The following RGS6 variants were observed in gnomAD, a reference collection of about 807,000 sequenced individuals.
RGS6 encodes the protein regulator of G protein signaling 6.
Under a neutral mutation model 78.5 loss-of-function variants are expected in RGS6, and 30 were observed. The observed-to-expected ratio is 0.38, with a 90% CI of 0.29 to 0.52. The LOEUF (loss-of-function observed/expected upper bound fraction) is 0.52, where lower values mean the gene tolerates loss of function less well. RGS6 is among the 20% of genes least tolerant of loss of function. The pLI, the probability that RGS6 is intolerant of heterozygous loss-of-function variation, is 0.85. For synonymous variants in RGS6, 206 were observed against 206.0 expected (o/e 1.00, Z 0.00); for missense variants, 495 against 609.7 (o/e 0.81, Z 1.98).
chr14:72,361,465 T>G (rs2081443580), intron 3 of RGS6, among the ~76,000 whole-genome samples: 1 of 151,912 alleles, frequency 6.6e-6, no homozygotes, highest in Non-Finnish European at 1.5e-5. Flanking sequence ...GAGGCAAGAG[T>G]AAGAGAGCTG....
chr14:71,920,801 T>C, the RGS6 span, among the ~76,000 whole-genome samples: 2 of 152,210 alleles, frequency 1.3e-5, no homozygotes, highest in Admixed American at 1.3e-4. Context: ...TTCTGGGCAA[T>C]GATTTTTTAG....
chr14:72,103,011 C>T (rs1597600854), intron 2 of RGS6, among the ~76,000 whole-genome samples: 1 of 152,282 alleles, frequency 6.6e-6, no homozygotes, highest in East Asian at 1.9e-4. Flanking sequence ...ATTTGGCTTG[C>T]TGATCAGAGT....
chr14:72,030,980 A>ATT (rs10581212), intron 2 of RGS6, among the ~76,000 whole-genome samples: 55 of 141,658 alleles, frequency 3.9e-4, no homozygotes, highest in South Asian at 1.8e-3. Context: ...TTTAGCAACA[A>ATT]TTTTTTTTTT....
intron 2 of RGS6, among the ~76,000 whole-genome samples, chr14:72,117,434 C>A (rs528440320): frequency 3.3e-5 from 5 of 152,096 alleles, no homozygotes; most frequent in East Asian, 1.9e-4. Context: ...TTGGCTCCCC[C>A]CCACCCTTCA....
the RGS6 span, among the ~76,000 whole-genome samples, chr14:72,621,218 T>G: frequency 6.6e-6 from 1 of 152,302 alleles, no homozygotes; most frequent in Admixed American, 6.5e-5. Flanking sequence ...TTTTCCACCC[T>G]TTATCCCCTT....
the RGS6 span, chr14:72,629,589 A>G: frequency 1.3e-6 from 2 of 1,513,160 alleles, no homozygotes; most frequent in South Asian, 1.2e-5. Context: ...AGCTCTGTGG[A>G]TTTCTCCCTC....
At chr14:72,344,923 A>G (rs908765061) in intron 2 of RGS6, among the ~76,000 whole-genome samples, 1 of 152,166 alleles carries the variant, frequency 6.6e-6, no homozygotes, top group Non-Finnish European at 1.5e-5. Flanking sequence ...TGTTTAACGC[A>G]AGGTCTCGTG....
chr14:72,385,881 C>T (rs774515581), intron 3 of RGS6, among the ~76,000 whole-genome samples: 5 of 152,164 alleles, frequency 3.3e-5, no homozygotes, highest in Non-Finnish European at 4.4e-5. Context: ...ATCTGGTACA[C>T]TTTTAGTCAT....
chr14:72,590,109 A>T, the RGS6 span, among the ~76,000 whole-genome samples: 1 of 152,186 alleles, frequency 6.6e-6, no homozygotes, highest in Non-Finnish European at 1.5e-5. Context: ...CACCCACTAG[A>T]ATGTCTAAAA....
At chr14:72,477,808 AG>A (rs2096276138) in intron 11 of RGS6, among the ~76,000 whole-genome samples, 4 of 146,998 alleles carry the variant, frequency 2.7e-5, no homozygotes, top group Admixed American at 1.4e-4. Context: ...AAAAAAAAAA[AG>A]AAAAAAAGAA....
chr14:72,458,807 A>G (rs2095701192), intron 5 of RGS6, among the ~76,000 whole-genome samples: 1 of 152,170 alleles, frequency 6.6e-6, no homozygotes, highest in African/African-American at 2.4e-5. Context: ...TGGGGCTTAT[A>G]TCAGACCTCT....
the RGS6 span, among the ~76,000 whole-genome samples, chr14:72,572,974 G>T: frequency 6.6e-6 from 1 of 152,052 alleles, no homozygotes; most frequent in Admixed American, 6.5e-5. Flanking sequence ...TACAGATCAG[G>T]AAGAATCCAA....
chr14:71,937,349 A>G lies in RGS6; in HGVS notation c.-21+4408A>G, dbSNP rs535555482. Among the ~76,000 whole-genome samples, 4 of 152,288 alleles carry G rather than the reference A, an allele frequency of 2.6e-5. No homozygotes were observed. The East Asian group carries it at 7.7e-4, about 29-fold the overall frequency. The stretch of plus-strand genomic sequence containing the variant: ...GGGAACAGGAAGCAAAAATTTTGCT[A>G]GTGGATCAGTAGGGGTGATGGTGAG... On this transcript the variant is annotated intron_variant, in intron 1 of 17. Transcript: ENST00000553525.
At chr14:72,110,841 C>T (rs955434725) in intron 2 of RGS6, among the ~76,000 whole-genome samples, 9 of 152,270 alleles carry the variant, frequency 5.9e-5, no homozygotes, top group South Asian at 2.1e-4. Context: ...ATTGCCCACA[C>T]TCTGCTAATG....
chr14:71,928,850 G>C (rs2087758954), upstream of RGS6, among the ~76,000 whole-genome samples: 3 of 152,122 alleles, frequency 2.0e-5, no homozygotes. Context: ...CAAAGTAATA[G>C]ATCAAATCAT....
chr14:72,259,483 G>C (rs1283400650), intron 2 of RGS6, among the ~76,000 whole-genome samples: 1 of 152,160 alleles, frequency 6.6e-6, no homozygotes, highest in Non-Finnish European at 1.5e-5. Context: ...ATAAGGCTGA[G>C]AATCCCTGAG....
At chr14:71,908,529 A>C in the RGS6 span, 1 of 152,160 alleles carries the variant, frequency 6.6e-6, no homozygotes, top group Non-Finnish European at 1.5e-5. Context: ...ATTTAATAAC[A>C]ACAAAACTTT....
intron 2 of RGS6, among the ~76,000 whole-genome samples, chr14:72,309,961 C>T (rs1595631952): frequency 1.3e-5 from 2 of 152,322 alleles, no homozygotes; most frequent in East Asian, 1.9e-4. Context: ...TTTTCCTTTG[C>T]CCCTAACATT....
intron 3 of RGS6, among the ~76,000 whole-genome samples, chr14:72,425,604 TA>T (rs1470927319): frequency 6.6e-6 from 1 of 152,216 alleles, no homozygotes; most frequent in Non-Finnish European, 1.5e-5. Context: ...AAAACATAGT[TA>T]TTTTCCTAAA....
Sources: gnomAD v4.1 joint callset for allele counts (sites outside exome capture counted in the v4.1 genomes callset) on GRCh38, gnomAD v4.1.1 for gene constraint, MANE v1.5 for transcripts, NCBI Gene and HGNC (gene_info 2026-07-23, HGNC 2026-07-21) for gene names.